The following SLC22A23 variants were observed in gnomAD, a reference collection of about 807,000 sequenced individuals.
SLC22A23 encodes the protein solute carrier family 22 member 23.
SLC22A23 carries 26 observed loss-of-function variants against 61.0 expected under a neutral mutation model. The observed-to-expected ratio is 0.43, with a 90% CI of 0.31 to 0.59. SLC22A23 has a LOEUF of 0.59. Among genes scored for constraint, SLC22A23 ranks in the 20% least tolerant of loss-of-function variants. SLC22A23 has a pLI of 0.11. For missense variants in SLC22A23, 796 were observed against 934.7 expected, an observed-to-expected ratio of 0.85 and a Z score of 1.94; for synonymous variants, 430 against 413.9, an observed-to-expected ratio of 1.04 and a Z score of -0.47.
intron 1 of SLC22A23, among the ~76,000 whole-genome samples, chr6:3,434,712 C>CA (rs1771092797): frequency 6.6e-6 from 1 of 152,144 alleles, no homozygotes; most frequent in Non-Finnish European, 1.5e-5. Flanking sequence ...TCCAACAGCA[C>CA]AAGGTCAGGC....
chr6:3,308,600 G>A lies in SLC22A23; in HGVS notation c.1083-10382C>T, dbSNP rs1457561350. On this transcript the variant is annotated intron_variant, in intron 4 of 9. Transcript: ENST00000406686. This position sits in a 1 kb window ranked among gnomAD's most constrained non-coding sequence, Gnocchi z 5.1. The stretch of plus-strand genomic sequence containing the variant: ...AGGGTTGATCAAACCTCACAAAAAC[G>A]TGAACCATGCCATTTTCCAGCATGT... 1.3e-5 allele frequency among the ~76,000 whole-genome samples: 2 copies of A among 152,132 alleles called. No homozygotes were observed. Among genetic ancestry groups the A allele is most frequent in the African/African-American group, 4.8e-5 (2 of 41,412 alleles).
chr6:3,324,371 G>A lies in SLC22A23; in HGVS notation c.914-369C>T, dbSNP rs1030428880. ...TTGCTGTCCAGCACGTTCCCCCCTCGTGCCCATCCTGTCGCCATTCCTTCC... is the reference window on the plus strand; with the variant it reads ...TTGCTGTCCAGCACGTTCCCCCCTCATGCCCATCCTGTCGCCATTCCTTCC... On this transcript the variant is annotated intron_variant, in intron 3 of 9. Transcript: ENST00000406686. The surrounding 1 kb of genome is among the most constrained non-coding windows in gnomAD (Gnocchi z 4.3). Among the ~76,000 whole-genome samples, 5 of 152,002 alleles carry A rather than the reference G, an allele frequency of 3.3e-5. No individual in the cohort carries two copies. Among genetic ancestry groups the A allele is most frequent in the African/African-American group, 7.3e-5 (3 of 41,364 alleles).
chr6:3,287,389 T>G (rs1000970670), intron 6 of SLC22A23, among the ~76,000 whole-genome samples: 1 of 152,166 alleles, frequency 6.6e-6, no homozygotes, highest in Non-Finnish European at 1.5e-5. Context: ...ACACACACTT[T>G]CATGGGAATC....
intron 3 of SLC22A23, among the ~76,000 whole-genome samples, chr6:3,400,896 A>G (rs577774598): frequency 1.3e-5 from 2 of 152,336 alleles, no homozygotes; most frequent in South Asian, 4.1e-4. Context: ...CGGGAATATC[A>G]TGTTTCAGGT....
intron 3 of SLC22A23, among the ~76,000 whole-genome samples, chr6:3,389,084 A>G (rs550936169): frequency 6.6e-6 from 1 of 152,062 alleles, no homozygotes; most frequent in South Asian, 2.1e-4. Flanking sequence ...CCTGGCCAAC[A>G]TGGTGAAGCC....
chr6:3,375,321 T>G (rs747681638), intron 3 of SLC22A23, among the ~76,000 whole-genome samples: 11 of 152,250 alleles, frequency 7.2e-5, no homozygotes, highest in Admixed American at 2.0e-4. Context: ...TTATAAACTC[T>G]GTAGAGTCTG....
intron 3 of SLC22A23, among the ~76,000 whole-genome samples, chr6:3,370,505 C>T (rs1355076858): frequency 1.3e-5 from 2 of 152,274 alleles, no homozygotes; most frequent in Non-Finnish European, 1.5e-5. Context: ...CACAGATACA[C>T]ACACAGCCCT....
In SLC22A23 at chr6:3,446,655, C is replaced by T. The variant is rs141350271; in HGVS notation, c.654+9251G>A. ...CCACTATTCATCCCCAGAACCCCTG[C>T]GCAGGCCAGCATGTCTGCTTCCCAA... On this transcript the variant is annotated intron_variant, in intron 1 of 9. Coordinates refer to ENST00000406686, the MANE Select transcript of SLC22A23 (RefSeq NM_015482.2). Among the ~76,000 whole-genome samples, 508 of 152,328 alleles carry T rather than the reference C, an allele frequency of 3.3e-3. 2 individuals are homozygous for T. The highest frequency in any genetic ancestry group is 0.012 in the African/African-American group (489 of 41,580).
At chr6:3,337,021 T>G (rs1489967002) in intron 3 of SLC22A23, among the ~76,000 whole-genome samples, 1 of 152,156 alleles carries the variant, frequency 6.6e-6, no homozygotes, top group Admixed American at 6.5e-5. Context: ...TTGCCCAGGC[T>G]GGTCTTGAAC....
chr6:3,395,716 C>T (rs1253641879), intron 3 of SLC22A23, among the ~76,000 whole-genome samples: 4 of 152,072 alleles, frequency 2.6e-5, no homozygotes, highest in Admixed American at 6.6e-5. Context: ...GGCAAAATTA[C>T]GCAAAAAGGC....
Position 3,456,431 on chromosome 6 carries a change from G to A in SLC22A23, c.129C>T (p.Gly43=). The A allele has an allele frequency of 7.5e-7, 1 of 1,325,202 alleles. No homozygotes were observed. Among genetic ancestry groups the A allele is most frequent in the Non-Finnish European group, 9.6e-7 (1 of 1,040,898 alleles). 82.1% of individuals were successfully genotyped at this position (1,325,202 alleles called of 1,614,324 possible). ...GCTGGATCTCCGCGCCGCCGCCGGG[G>A]CCCGCGCGTCCCCCGAGGGGCGCCG... ...AASAPLGGRA[G]PGGGAEIQPL... Residue 43 remains glycine, a synonymous_variant, in exon 1 of 10, where the codon GGC becomes GGT. Transcript: ENST00000406686. This position sits in a 1 kb window ranked among gnomAD's most constrained non-coding sequence, Gnocchi z 7.1.
At chr6:3,373,376 C>T (rs1766350122) in intron 3 of SLC22A23, among the ~76,000 whole-genome samples, 1 of 152,244 alleles carries the variant, frequency 6.6e-6, no homozygotes. Flanking sequence ...TGATTTTGCT[C>T]TGTGTCCTTT....
intron 4 of SLC22A23, chr6:3,303,026 A>G (rs1174459971): frequency 2.0e-5 from 3 of 152,184 alleles, no homozygotes; most frequent in African/African-American, 7.2e-5. Context: ...AAAAGAAACA[A>G]CCTGATTTTT....
intron 3 of SLC22A23, among the ~76,000 whole-genome samples, chr6:3,402,933 G>C (rs903811821): frequency 6.6e-6 from 1 of 152,182 alleles, no homozygotes; most frequent in Non-Finnish European, 1.5e-5. Flanking sequence ...TTGTGCTTCC[G>C]GGCAGGTCAT....
At position 3,324,182 on chromosome 6, in the gene SLC22A23, A is replaced by T; in HGVS notation, c.914-180T>A. 4 of 670,460 alleles carry T rather than the reference A, an allele frequency of 6.0e-6. No individual in the cohort carries two copies. The South Asian group carries it at 8.0e-5, about 13-fold the overall frequency. The allele number at this position is 670,460 out of a possible 1,614,324, so 41.5% of individuals were successfully genotyped here. A position where few individuals can be genotyped will look rare whatever the true frequency, so the allele number is the denominator to read the frequency against. On this transcript the variant is annotated intron_variant, in intron 3 of 9. Coordinates refer to ENST00000406686, the MANE Select transcript of SLC22A23 (RefSeq NM_015482.2). The surrounding 1 kb of genome is among the most constrained non-coding windows in gnomAD (Gnocchi z 4.3). ...GTTTTACGGGCGCGTTGAGGCTCCA[A>T]CTGGGAAGGGAAGTGAGACGGTTGT...
At chr6:3,383,475 C>T (rs902268583) in intron 3 of SLC22A23, among the ~76,000 whole-genome samples, 2 of 152,212 alleles carry the variant, frequency 1.3e-5, no homozygotes, top group African/African-American at 4.8e-5. Context: ...TTTATATCTA[C>T]TCCGTGGTTA....
intron 3 of SLC22A23, among the ~76,000 whole-genome samples, chr6:3,391,511 G>GTGTTCCATGAATTCATTCATTCATCA (rs1204430360): frequency 2.0e-5 from 3 of 152,094 alleles, no homozygotes; most frequent in African/African-American, 4.8e-5. Flanking sequence ...GATCTTCATC[G>GTGTTCCATGAATTCATTCATTCATCA]TGTTCCATGA....
chr6:3,352,552 C>T (rs970002503), intron 3 of SLC22A23, among the ~76,000 whole-genome samples: 3 of 152,136 alleles, frequency 2.0e-5, no homozygotes, highest in African/African-American at 7.2e-5. Flanking sequence ...ACACCAAGCC[C>T]CGGCCATAAC....
At chr6:3,337,449 T>C (rs1273780324) in intron 3 of SLC22A23, among the ~76,000 whole-genome samples, 8 of 146,648 alleles carry the variant, frequency 5.5e-5, no homozygotes, top group African/African-American at 2.1e-4. Flanking sequence ...CAATTCCCTT[T>C]TTTTTTTTTT....
Sources: allele counts gnomAD v4.1 joint callset (sites outside exome capture counted in the v4.1 genomes callset), GRCh38; gene constraint gnomAD v4.1.1; non-coding constraint Gnocchi (gnomAD v3.1); transcripts MANE v1.5; gene names NCBI Gene and HGNC (gene_info 2026-07-23, HGNC 2026-07-21).